ZNF578: variants seen among roughly 807,000 people sequenced by gnomAD.
ZNF578 encodes the protein zinc finger protein 578.
ZNF578 carries 8 observed loss-of-function variants against 8.3 expected under a neutral mutation model. That is an observed-to-expected ratio of 0.96 (90% CI 0.56 to 1.74). The LOEUF (loss-of-function observed/expected upper bound fraction) is 1.74, where lower values mean the gene tolerates loss of function less well. ZNF578 is among the 40% of genes most tolerant of loss of function. ZNF578 has a pLI of 0.00. For missense variants in ZNF578, 726 were observed against 707.5 expected (o/e 1.03, Z -0.30); for synonymous variants, 206 against 232.2 (o/e 0.89, Z 1.03).
chr19:52,475,954 A>T lies in ZNF578; in HGVS notation c.-121-15370A>T, dbSNP rs375428991. 9.8e-5 allele frequency among the ~76,000 whole-genome samples: 15 copies of T among 152,312 alleles called. No homozygotes were observed. In the East Asian group the frequency reaches 2.1e-3, roughly 22 times the overall value. ...GGAAACATATTCCAAGGCTCCTTTCATGCCCTTCCTACAAAATGCTGACAT... is the reference window on the plus strand; with the variant it reads ...GGAAACATATTCCAAGGCTCCTTTCTTGCCCTTCCTACAAAATGCTGACAT... On this transcript the variant is annotated intron_variant, in intron 2 of 5. Transcript: ENST00000421239.
intron 2 of ZNF578, chr19:52,474,551 A>G (rs375824917): frequency 1.1e-4 from 34 of 313,072 alleles, no homozygotes; most frequent in East Asian, 9.9e-4. Flanking sequence ...CATTCATTAC[A>G]TTTGTAAGGT....
chr19:52,494,903 C>A (rs1172219291), intron 3 of ZNF578, among the ~76,000 whole-genome samples: 1 of 152,200 alleles, frequency 6.6e-6, no homozygotes. Flanking sequence ...GTTATCTACT[C>A]TAACTGAAGC....
rs2059451671 is a variant in ZNF578, at chr19:52,512,202, T to A, written c.*48T>A. 1 of 1,609,432 alleles carries A rather than the reference T, an allele frequency of 6.2e-7. No individual in the cohort carries two copies. ...TACAAATGTGAAGCATGTGACAAAG[T>A]TTTCAGTCACAGATCACGCCTTAAA... is the stretch of plus-strand genomic sequence containing the variant. On this transcript the variant is annotated 3_prime_UTR_variant, in exon 6 of 6. Coordinates refer to ENST00000421239, the MANE Select transcript of ZNF578 (RefSeq NM_001099694.2).
Position 52,504,749 on chromosome 19 carries a change from T to C in ZNF578, c.158T>C (p.Met53Thr). ...PAQRALYREV[M>T]LENYRNLEAV... ...CAGAGGGCTTTGTACAGGGAAGTGA[T>C]GTTGGAGAACTACAGGAACCTGGAG... Residue 53 changes from methionine to threonine, a missense_variant, in exon 5 of 6, where the codon ATG becomes ACG. By Grantham distance (81) the Met-to-Thr change is moderately conservative (BLOSUM62 -1). Coordinates refer to ENST00000421239, the MANE Select transcript of ZNF578 (RefSeq NM_001099694.2). 1.9e-6 allele frequency: 3 copies of C among 1,614,112 alleles called. No individual in the cohort carries two copies. Among genetic ancestry groups the C allele is most frequent in the Non-Finnish European group, 2.5e-6 (3 of 1,180,008 alleles).
In ZNF578 at chr19:52,511,848, C is replaced by G. The variant is rs776973408; in HGVS notation, c.1467C>G (p.His489Gln). ...AACCTTACAAGTGTAATGAGTGTCACAAGACCTTCAGTCACAGGTCATCTC... is the reference window on the plus strand; with the variant it reads ...AACCTTACAAGTGTAATGAGTGTCAGAAGACCTTCAGTCACAGGTCATCTC... ...GEKPYKCNECHKTFSHRSSLP... is the reference protein window; with the variant it reads ...GEKPYKCNECQKTFSHRSSLP... The change falls in exon 6 of 6, where the codon CAC (histidine) becomes CAG (glutamine). Residue 489 changes from histidine (H) to glutamine (Q), a missense_variant. Transcript: ENST00000421239. 7 of 1,613,302 alleles carry G rather than the reference C, an allele frequency of 4.3e-6. No homozygotes were observed. The East Asian group carries it at 6.7e-5, about 15-fold the overall frequency.
chr19:52,509,347 G>A (rs1016283063), intron 5 of ZNF578, among the ~76,000 whole-genome samples: 1 of 152,126 alleles, frequency 6.6e-6, no homozygotes, highest in Admixed American at 6.5e-5. Context: ...AGAGGGAATT[G>A]TTTAGAATTC....
intron 5 of ZNF578, among the ~76,000 whole-genome samples, chr19:52,508,366 AAG>A (rs1189996734): frequency 1.4e-4 from 20 of 143,978 alleles, no homozygotes; most frequent in African/African-American, 5.1e-4. Flanking sequence ...GAGAGAGAGA[AAG>A]AGAAAGTGAA....
At chr19:52,483,441 A>T (rs1395158790) in intron 2 of ZNF578, among the ~76,000 whole-genome samples, 1 of 152,160 alleles carries the variant, frequency 6.6e-6, no homozygotes, top group Non-Finnish European at 1.5e-5. Flanking sequence ...AAATAATAAA[A>T]ATAAAAGCAC....
At chr19:52,473,741 C>T (rs1896640) in intron 2 of ZNF578, 272,331 of 282,282 alleles carry the variant, frequency 0.96, 131,778 homozygotes, top group African/African-American at 0.99. Context: ...ATAAGGTTTC[C>T]TTCCAATGTG....
chr19:52,501,824 C>A lies in ZNF578; in HGVS notation c.-19-3C>A. On this transcript the variant is annotated splice_region_variant and splice_polypyrimidine_tract_variant and intron_variant, in intron 3 of 5. Coordinates refer to ENST00000421239, the MANE Select transcript of ZNF578 (RefSeq NM_001099694.2). ...TGAAGTCTTATTTTTCTTCCACATA[C>A]AGGATTGATTTCTAAAGACTCATGT... The A allele has an allele frequency of 6.2e-7, 1 of 1,611,656 alleles. No homozygotes were observed. Among genetic ancestry groups the A allele is most frequent in the Non-Finnish European group, 8.5e-7 (1 of 1,179,066 alleles).
At chr19:52,496,989 G>T (rs2059389175) in intron 3 of ZNF578, among the ~76,000 whole-genome samples, 1 of 152,112 alleles carries the variant, frequency 6.6e-6, no homozygotes, top group South Asian at 2.1e-4. Flanking sequence ...CTGGAGTGCA[G>T]TGGCAGGATC....
chr19:52,478,070 T>C (rs1181868999), intron 2 of ZNF578, among the ~76,000 whole-genome samples: 1 of 152,228 alleles, frequency 6.6e-6, no homozygotes, highest in Non-Finnish European at 1.5e-5. Flanking sequence ...TCCTCTGTAG[T>C]GTCTCTGTGT....
At position 52,512,593 on chromosome 19, in the gene ZNF578, C is replaced by G. The variant is rs754045406; in HGVS notation, c.*439C>G. 1.3e-5 allele frequency among the ~76,000 whole-genome samples: 2 copies of G among 151,828 alleles called. No individual in the cohort carries two copies. The highest frequency in any genetic ancestry group is 2.9e-5 in the Non-Finnish European group (2 of 67,974). On this transcript the variant is annotated 3_prime_UTR_variant, in exon 6 of 6. Transcript: ENST00000421239. Reference sequence around the variant, plus strand: ...GAGAATTCATGCAGGAGAGAAATGTCACAAGTGTGATGAGTGTTGCAAAGC... The same window carrying G: ...GAGAATTCATGCAGGAGAGAAATGTGACAAGTGTGATGAGTGTTGCAAAGC...
chr19:52,508,893 ATTTTTTTTTTTT>A (rs869062581), intron 5 of ZNF578, among the ~76,000 whole-genome samples: 6 of 82,046 alleles, frequency 7.3e-5, no homozygotes, highest in African/African-American at 9.8e-5. Flanking sequence ...CTATTAGTCA[ATTTTTTTTTTTT>A]TTTTTTTTTT....
intron 3 of ZNF578, among the ~76,000 whole-genome samples, chr19:52,499,799 C>T (rs769799561): frequency 7.9e-5 from 12 of 151,354 alleles, no homozygotes; most frequent in Non-Finnish European, 1.8e-4. Flanking sequence ...GATTCTCCTG[C>T]CTCAGACTCC....
chr19:52,489,114 G>C (rs1161170998), intron 2 of ZNF578, among the ~76,000 whole-genome samples: 1 of 151,486 alleles, frequency 6.6e-6, no homozygotes, highest in Non-Finnish European at 1.5e-5. Context: ...CCTAAAAAAA[G>C]AAAAAGTAGC....
At chr19:52,482,090 A>G (rs2059328504) in intron 2 of ZNF578, among the ~76,000 whole-genome samples, 2 of 152,198 alleles carry the variant, frequency 1.3e-5, no homozygotes, top group South Asian at 4.2e-4. Flanking sequence ...CTGGAGTGCA[A>G]TGGTATGATC....
intron 2 of ZNF578, among the ~76,000 whole-genome samples, chr19:52,484,769 C>G (rs966313587): frequency 6.6e-6 from 1 of 151,490 alleles, no homozygotes; most frequent in Non-Finnish European, 1.5e-5. Flanking sequence ...CCACTCTGCC[C>G]GCCAGAGAAC....
intron 2 of ZNF578, among the ~76,000 whole-genome samples, chr19:52,472,344 A>C (rs998263926): frequency 6.6e-6 from 1 of 152,230 alleles, no homozygotes; most frequent in African/African-American, 2.4e-5. Flanking sequence ...AAAACATGAG[A>C]ACTATGCACA....
Sources: allele counts gnomAD v4.1 joint callset (sites outside exome capture counted in the v4.1 genomes callset), GRCh38; gene constraint gnomAD v4.1.1; transcripts MANE v1.5; gene names NCBI Gene and HGNC (gene_info 2026-07-23, HGNC 2026-07-21).